The following YIPF6 variants were observed in gnomAD, a reference collection of about 807,000 sequenced individuals.
YIPF6 encodes protein YIPF6.
In YIPF6, 3 loss-of-function variants were observed where a neutral mutation model predicts 16.8. The ratio of observed to expected loss-of-function variants is 0.18; its 90% CI spans 0.08 to 0.46. YIPF6 has a LOEUF of 0.46. Ranked by LOEUF, YIPF6 falls within the 20% of genes least tolerant of loss-of-function variation. The pLI, the probability that YIPF6 is intolerant of heterozygous loss-of-function variation, is 0.98. For missense variants in YIPF6, 145 were observed against 184.9 expected (o/e 0.78, Z 1.25); for synonymous variants, 67 against 61.9 (o/e 1.08, Z -0.38).
At chrX:68,516,394 T>C (rs1179585139) in intron 3 of YIPF6, among the ~76,000 whole-genome samples, 1 of 111,352 alleles carries the variant, frequency 9.0e-6, no homozygotes, top group African/African-American at 3.3e-5. Context: ...GAGTAATGTG[T>C]TGTACTAGAT....
chrX:68,518,857 A>C (rs1447877747), intron 4 of YIPF6, 45 bp downstream of exon 4: 2 of 1,114,631 alleles, frequency 1.8e-6, no homozygotes, highest in Non-Finnish European at 2.4e-6. Context: ...GCTAGACTAG[A>C]CTTTTTTGTG....
At chrX:68,512,829 G>A (rs1474299954) in intron 2 of YIPF6, among the ~76,000 whole-genome samples, 1 of 104,334 alleles carries the variant, frequency 9.6e-6, no homozygotes, top group Non-Finnish European at 2.0e-5. Context: ...CCAGTTTCTT[G>A]ATTTTTTTTT....
chrX:68,529,191 T>A (rs764361275), intron 6 of YIPF6, among the ~76,000 whole-genome samples: 1 of 110,436 alleles, frequency 9.1e-6, no homozygotes, highest in South Asian at 3.9e-4. Context: ...CATTCTTTTT[T>A]CTCTAATCTT....
At chrX:68,518,918 T>A (rs1425811411) in intron 4 of YIPF6, 106 bp downstream of exon 4, 8 of 792,389 alleles carry the variant, frequency 1.0e-5, no homozygotes, top group Admixed American at 3.7e-5. Flanking sequence ...TTAGGACTTA[T>A]ATGACATGTT....
chrX:68,514,555 C>A (rs928875565), intron 3 of YIPF6: 1 of 111,226 alleles, frequency 9.0e-6, no homozygotes, highest in African/African-American at 3.3e-5. Flanking sequence ...ATTACAGGTG[C>A]CCCACCACCA....
At chrX:68,530,101 A>G (rs1393080386) in intron 6 of YIPF6, among the ~76,000 whole-genome samples, 1 of 111,802 alleles carries the variant, frequency 8.9e-6, no homozygotes, top group Non-Finnish European at 1.9e-5. Context: ...TCCCATGAAG[A>G]TGGGAGTTTT....
At chrX:68,499,673 T>A (rs2079033557) in intron 1 of YIPF6, among the ~76,000 whole-genome samples, 1 of 112,160 alleles carries the variant, frequency 8.9e-6, no homozygotes, top group Non-Finnish European at 1.9e-5. Context: ...GGTCTCACTC[T>A]GTCACCCAGG....
In YIPF6 at chrX:68,532,971, A is replaced by G. The variant is rs947914224; in HGVS notation, c.*972A>G. ...GGCCTCTTAACTAGAAAGTAAAGCT[A>G]AATCAGAAGCCTGTATTTAACCATG... On this transcript the variant is annotated 3_prime_UTR_variant, in exon 7 of 7. Coordinates refer to ENST00000462683, the MANE Select transcript of YIPF6 (RefSeq NM_173834.4). 1 of 111,830 alleles carries G rather than the reference A, an allele frequency of 8.9e-6. No homozygotes were observed. Among genetic ancestry groups the G allele is most frequent in the African/African-American group, 3.2e-5 (1 of 30,777 alleles). 9.2% of individuals were successfully genotyped at this position (111,830 alleles called of 1,213,427 possible). A position where few individuals can be genotyped will look rare whatever the true frequency, so the allele number is the denominator to read the frequency against.
intron 1 of YIPF6, among the ~76,000 whole-genome samples, chrX:68,501,475 T>TA (rs2079040861): frequency 8.9e-6 from 1 of 111,937 alleles, no homozygotes; most frequent in Admixed American, 9.6e-5. Flanking sequence ...AGGTGGCTTT[T>TA]AACTACATTT....
In YIPF6 at chrX:68,535,653, A is replaced by G. The variant is rs2147830174; in HGVS notation, c.*3654A>G. 1 of 112,254 alleles carries G rather than the reference A, an allele frequency of 8.9e-6. No homozygotes were observed. Among genetic ancestry groups the G allele is most frequent in the South Asian group, 3.7e-4 (1 of 2,681 alleles). The allele number at this position is 112,254 out of a possible 1,213,427, so 9.3% of individuals were successfully genotyped here. ...ACTTAGGCCACAGAATGGCCAAATA[A>G]TAATAATGACAATGATATTACTAAT... On this transcript the variant is annotated 3_prime_UTR_variant, in exon 7 of 7. Transcript: ENST00000462683.
At position 68,533,293 on chromosome X, in the gene YIPF6, G is replaced by A. The variant is rs1320268322; in HGVS notation, c.*1294G>A. 1.8e-5 allele frequency: 2 copies of A among 111,488 alleles called. No homozygotes were observed. Among genetic ancestry groups the A allele is most frequent in the Admixed American group, 9.6e-5 (1 of 10,405 alleles). 9.2% of individuals were successfully genotyped at this position (111,488 alleles called of 1,213,427 possible). A position where few individuals can be genotyped will look rare whatever the true frequency, so the allele number is the denominator to read the frequency against. On this transcript the variant is annotated 3_prime_UTR_variant, in exon 7 of 7. Coordinates refer to ENST00000462683, the MANE Select transcript of YIPF6 (RefSeq NM_173834.4). ...GGTTTTTCAGGGAGCAGAGCATCTG[G>A]GACAGGCTGATTCTGAGCTAAACAG...
chrX:68,499,087 T>G lies in YIPF6; in HGVS notation c.21T>G (p.Ser7=), dbSNP rs760825152. The G allele has an allele frequency of 2.5e-6, 3 of 1,189,209 alleles. No individual in the cohort carries two copies. Among genetic ancestry groups the G allele is most frequent in the African/African-American group, 1.7e-5 (1 of 57,305 alleles). Residue 7 remains serine (S), a synonymous_variant, in exon 1 of 7, where the codon TCT becomes TCG. Transcript: ENST00000462683. Reference sequence around the variant, plus strand: ...CCAAGATGGCGGAAGCGGAGGAGTCTCCAGGAGACCCGGGGACAGCATCGC... The same window carrying G: ...CCAAGATGGCGGAAGCGGAGGAGTCGCCAGGAGACCCGGGGACAGCATCGC... MAEAEE[S]PGDPGTASPR...
chrX:68,504,087 C>T (rs1375703858), intron 1 of YIPF6, among the ~76,000 whole-genome samples: 1 of 112,167 alleles, frequency 8.9e-6, no homozygotes, highest in East Asian at 2.8e-4. Flanking sequence ...CTTAAAATTA[C>T]AGTTTTATTA....
At chrX:68,507,667 G>A (rs5004688) in intron 1 of YIPF6, among the ~76,000 whole-genome samples, 10,580 of 107,862 alleles carry the variant, frequency 0.098, 1,216 homozygotes, top group African/African-American at 0.32. Flanking sequence ...CTGTGGCATG[G>A]TCTTGGCTCA....
At chrX:68,526,418 C>T (rs1398222600) in intron 6 of YIPF6, among the ~76,000 whole-genome samples, 2 of 111,708 alleles carry the variant, frequency 1.8e-5, no homozygotes, top group Non-Finnish European at 3.8e-5. Flanking sequence ...ACAATCATGT[C>T]ATCTGCAAAC....
At chrX:68,518,272 C>CA (rs56068863) in intron 3 of YIPF6, among the ~76,000 whole-genome samples, 369 of 74,117 alleles carry the variant, frequency 5.0e-3, no homozygotes, top group Middle Eastern at 0.04. Context: ...AACTCCATCT[C>CA]AAAAAAAAAA....
At chrX:68,522,010 A>C (rs1184342933) in intron 5 of YIPF6, among the ~76,000 whole-genome samples, 1 of 111,777 alleles carries the variant, frequency 8.9e-6, no homozygotes, top group Non-Finnish European at 1.9e-5. Context: ...AAATTATCAG[A>C]GGTCCTTTGA....
At chrX:68,531,692 C>T (rs964319432) in intron 6 of YIPF6, among the ~76,000 whole-genome samples, 189 bp from the exon 7 acceptor site, 14 of 112,095 alleles carry the variant, frequency 1.2e-4, no homozygotes, top group Middle Eastern at 4.6e-3. Flanking sequence ...AATAAGTCCT[C>T]GGCCTCGGCT....
intron 6 of YIPF6, among the ~76,000 whole-genome samples, chrX:68,531,014 C>T (rs191801316): frequency 1.4e-3 from 159 of 111,440 alleles, no homozygotes; most frequent in South Asian, 8.0e-3. Context: ...ATATTGCAGC[C>T]TTGAACTCTT....
Sources: allele counts gnomAD v4.1 joint callset (sites outside exome capture counted in the v4.1 genomes callset), GRCh38; gene constraint gnomAD v4.1.1; transcripts MANE v1.5; gene names NCBI Gene and HGNC (gene_info 2026-07-23, HGNC 2026-07-21).